FANCM: variants seen among roughly 807,000 people sequenced by gnomAD.
FANCM encodes the protein FA complementation group M.
FANCM carries 140 observed loss-of-function variants against 199.5 expected under a neutral mutation model. The observed-to-expected ratio is 0.70, with a 90% CI of 0.61 to 0.81. The LOEUF is 0.81. Ranked by LOEUF, FANCM falls within the 30% of genes least tolerant of loss-of-function variation. FANCM has a pLI of 0.00. For missense variants in FANCM, 2,410 were observed against 2,421.4 expected, an observed-to-expected ratio of 1.00 and a Z score of 0.10; for synonymous variants, 840 against 836.8, an observed-to-expected ratio of 1.00 and a Z score of -0.07.
intron 3 of FANCM, among the ~76,000 whole-genome samples, chr14:45,141,120 C>A (rs1459040798): frequency 1.3e-5 from 2 of 151,862 alleles, no homozygotes; most frequent in African/African-American, 2.4e-5. Context: ...AACCCGGTGT[C>A]TACCAAAAAT....
chr14:45,185,418 G>C, intron 18 of FANCM, 45 bp downstream of exon 18: 1 of 1,134,828 alleles, frequency 8.8e-7, no homozygotes, highest in Non-Finnish European at 1.3e-6. Context: ...ATGTTTTTAT[G>C]TGCTTATATT....
rs371486598 is a variant in FANCM at position 45,181,637 on chromosome 14, G to T, written c.4318G>T (p.Asp1440Tyr). The change falls in exon 16 of 23, where the codon GAT becomes TAT. Residue 1440 changes from aspartate to tyrosine, a missense_variant and splice_region_variant. Transcript: ENST00000267430. ...AKGNVLNSPE[D>Y]QKNSEVDSPL... ...CTTTTACTTTATTTACTTACTTTAGGATCAGAAAAATAGTGAAGTTGATTC... is the reference window on the plus strand; with the variant it reads ...CTTTTACTTTATTTACTTACTTTAGTATCAGAAAAATAGTGAAGTTGATTC... 2 of 1,609,598 alleles carry T rather than the reference G, an allele frequency of 1.2e-6. No homozygotes were observed. Among genetic ancestry groups the T allele is most frequent in the Non-Finnish European group, 8.5e-7 (1 of 1,176,510 alleles).
chr14:45,159,095 G>T lies in FANCM; in HGVS notation c.1397-1G>T, dbSNP rs1887394029. ...ATTAAAGTTTTTATATATATATATA[G>T]CTGAAAACACTACTGAAAAGAAACG... On this transcript the variant is annotated splice_acceptor_variant, in intron 8 of 22. Transcript: ENST00000267430. LOFTEE classifies it high-confidence loss of function. The T allele has an allele frequency of 3.3e-6, 5 of 1,533,942 alleles. No homozygotes were observed. The highest frequency in any genetic ancestry group is 1.4e-5 in the African/African-American group (1 of 72,840).
In FANCM at chr14:45,153,861, A is replaced by G. The variant is rs1314268334; in HGVS notation, c.1051-59A>G. On this transcript the variant is annotated intron_variant, in intron 5 of 22. Transcript: ENST00000267430. The stretch of plus-strand genomic sequence containing the variant: ...CTGACTATGGCCTGACAACTTGGGC[A>G]TGGAGCATGTATGTTCATTTATTTC... The G allele has an allele frequency of 5.8e-6, 8 of 1,382,146 alleles. No individual in the cohort carries two copies. In the East Asian group the frequency reaches 1.4e-4, roughly 24 times the overall value. The allele number at this position is 1,382,146 out of a possible 1,614,324, so 85.6% of individuals were successfully genotyped here. A position where few individuals can be genotyped will look rare whatever the true frequency, so the allele number is the denominator to read the frequency against.
In FANCM at chr14:45,181,721, G is replaced by C. The variant is rs376139077; in HGVS notation, c.4386+16G>C. On this transcript the variant is annotated intron_variant, in intron 16 of 22. Coordinates refer to ENST00000267430, the MANE Select transcript of FANCM (RefSeq NM_020937.4). Reference sequence around the variant, plus strand: ...TATAAACAGAGTAAGTAAATACCAGGTAATGTATAGTAATCCAAATTCCTT... The same window carrying C: ...TATAAACAGAGTAAGTAAATACCAGCTAATGTATAGTAATCCAAATTCCTT... 5 of 1,483,002 alleles carry C rather than the reference G, an allele frequency of 3.4e-6. No homozygotes were observed. The African/African-American group carries it at 6.9e-5, about 20-fold the overall frequency. 91.9% of individuals were successfully genotyped at this position (1,483,002 alleles called of 1,614,324 possible).
At chr14:45,188,395 C>T (rs1036785688) in intron 19 of FANCM, among the ~76,000 whole-genome samples, 18 of 151,940 alleles carry the variant, frequency 1.2e-4, no homozygotes, top group Admixed American at 6.6e-5. Context: ...CATTTTTTTT[C>T]ATAAAAATGT....
intron 3 of FANCM, among the ~76,000 whole-genome samples, chr14:45,146,044 G>A (rs1332211580): frequency 7.1e-6 from 1 of 140,702 alleles, no homozygotes; most frequent in Non-Finnish European, 1.5e-5. Flanking sequence ...GGGCCACAGA[G>A]CGAGACTCCG....
chr14:45,147,154 A>G (rs1886455798), intron 3 of FANCM, among the ~76,000 whole-genome samples: 1 of 152,116 alleles, frequency 6.6e-6, no homozygotes, highest in African/African-American at 2.4e-5. Context: ...TGTATTCTAG[A>G]TTTTGAATAC....
intron 9 of FANCM, among the ~76,000 whole-genome samples, chr14:45,161,312 T>C (rs1887589805): frequency 6.6e-6 from 1 of 152,242 alleles, no homozygotes; most frequent in Non-Finnish European, 1.5e-5. Context: ...CAAATAATTG[T>C]ACATTGTCCA....
rs776863793 is a variant in FANCM at position 45,154,648 on chromosome 14, T to G, written c.1184-49T>G. Reference sequence around the variant, plus strand: ...TTTCTTTTTAATAAATAATACATTTTATCAGTTTTATTATTATTTATTTGA... The same window carrying G: ...TTTCTTTTTAATAAATAATACATTTGATCAGTTTTATTATTATTTATTTGA... On this transcript the variant is annotated intron_variant, in intron 6 of 22. Transcript: ENST00000267430. 6.1e-5 allele frequency: 71 copies of G among 1,164,292 alleles called. 1 individual carries two copies. The highest frequency in any genetic ancestry group is 4.1e-4 in the South Asian group (28 of 67,792). The allele number at this position is 1,164,292 out of a possible 1,614,324, so 72.1% of individuals were successfully genotyped here. A position where few individuals can be genotyped will look rare whatever the true frequency, so the allele number is the denominator to read the frequency against.
Position 45,188,806 on chromosome 14 carries a change from C to A in FANCM, c.4784C>A (p.Pro1595His), listed in dbSNP as rs750818919. The change falls in exon 20 of 23, where the codon CCT becomes CAT. Residue 1595 changes from proline (P) to histidine (H), a missense_variant. Physicochemically the swap from Pro to His is moderately conservative, Grantham distance 77. Coordinates refer to ENST00000267430, the MANE Select transcript of FANCM (RefSeq NM_020937.4). ...HKNINIFSQI[P>H]EQDETYLEDS... is the part of the protein sequence containing the mutation. ...ATTCTTGTGTTTTTATTGTAGATTC[C>A]TGAACAAGATGAAACCTATTTAGAG... The A allele has an allele frequency of 5.0e-6, 8 of 1,607,922 alleles. No individual in the cohort carries two copies. The East Asian group carries it at 1.6e-4, about 31-fold the overall frequency.
intron 14 of FANCM, among the ~76,000 whole-genome samples, chr14:45,180,425 A>G (rs1288555202): frequency 6.6e-6 from 1 of 151,382 alleles, no homozygotes; most frequent in Non-Finnish European, 1.5e-5. Context: ...TTTGATAAGT[A>G]TGTGGTGTTT....
intron 20 of FANCM, among the ~76,000 whole-genome samples, chr14:45,190,722 ATTT>A (rs796385554): frequency 7.4e-6 from 1 of 135,838 alleles, no homozygotes; most frequent in African/African-American, 2.7e-5. Context: ...AATTGTCCCC[ATTT>A]TTTTTTTTTT....
rs535856348 is a variant in FANCM, at chr14:45,157,418, G to C, written c.1397-1678G>C. ...TCCTGAAGAATATCAACAGTTAAGA[G>C]TTTGGAGGAAAAAAAGCTTGGGGAG... is the stretch of plus-strand genomic sequence containing the variant. On this transcript the variant is annotated intron_variant, in intron 8 of 22. Coordinates refer to ENST00000267430, the MANE Select transcript of FANCM (RefSeq NM_020937.4). Among the ~76,000 whole-genome samples, 5 of 152,272 alleles carry C rather than the reference G, an allele frequency of 3.3e-5. No homozygotes were observed. In the South Asian group the frequency reaches 1.0e-3, roughly 32 times the overall value.
intron 3 of FANCM, among the ~76,000 whole-genome samples, chr14:45,143,947 C>T (rs1886170989): frequency 6.6e-6 from 1 of 152,100 alleles, no homozygotes; most frequent in Non-Finnish European, 1.5e-5. Context: ...CCACCTCAGC[C>T]TCCCAAAGTG....
intron 13 of FANCM, among the ~76,000 whole-genome samples, chr14:45,174,600 A>G (rs1888544604): frequency 6.6e-6 from 1 of 152,172 alleles, no homozygotes; most frequent in African/African-American, 2.4e-5. Flanking sequence ...CCAGGATACA[A>G]CCTAGCAGAC....
chr14:45,165,845 G>T (rs1023017042), intron 10 of FANCM, among the ~76,000 whole-genome samples: 4 of 152,100 alleles, frequency 2.6e-5, no homozygotes, highest in Non-Finnish European at 5.9e-5. Flanking sequence ...TTTACATTGT[G>T]CTGCGTAATG....
At position 45,136,081 on chromosome 14, in the gene FANCM, C is replaced by T; in HGVS notation, c.50C>T (p.Ser17Phe). 2 of 1,614,030 alleles carry T rather than the reference C, an allele frequency of 1.2e-6. No individual in the cohort carries two copies. The highest frequency in any genetic ancestry group is 1.1e-5 in the South Asian group (1 of 91,078). The change falls in exon 1 of 23, where the codon TCC (serine) becomes TTC (phenylalanine). Residue 17 changes from serine to phenylalanine, a missense_variant. Transcript: ENST00000267430. ...TTTCAGACGTGGGGCTCAAGTATCT[C>T]CCGATCATCTGGGACTCCGGGTTGC... ...TLFQTWGSSI[S>F]RSSGTPGCSS...
chr14:45,176,902 A>C lies in FANCM; in HGVS notation c.4148A>C (p.Tyr1383Ser). The C allele has an allele frequency of 6.2e-7, 1 of 1,611,856 alleles. No individual in the cohort carries two copies. The highest frequency in any genetic ancestry group is 8.5e-7 in the Non-Finnish European group (1 of 1,178,400). ...FKEALNSTFD[Y>S]SEFSLEKSKS... ...GAAGCATTGAATTCAACTTTTGATT[A>C]TTCAGAATTTTCTCTAGAAAAGTCT... Residue 1383 changes from tyrosine (Y) to serine (S), a missense_variant, in exon 14 of 23, where the codon TAT becomes TCT. Tyr to Ser is a moderately radical substitution (Grantham distance 144). Transcript: ENST00000267430.
Sources: allele counts gnomAD v4.1 joint callset (sites outside exome capture counted in the v4.1 genomes callset), GRCh38; gene constraint gnomAD v4.1.1; transcripts MANE v1.5; gene names NCBI Gene and HGNC (gene_info 2026-07-23, HGNC 2026-07-21).